The following ANKS1B variants were observed in gnomAD, a reference collection of about 807,000 sequenced individuals.
ANKS1B encodes ankyrin repeat and sterile alpha motif domain-containing protein 1B.
In ANKS1B, 36 loss-of-function variants were observed where a neutral mutation model predicts 148.3. That is an observed-to-expected ratio of 0.24 (90% CI 0.19 to 0.32). The LOEUF (loss-of-function observed/expected upper bound fraction) is 0.32. ANKS1B is among the 10% of genes least tolerant of loss of function. ANKS1B has a pLI of 1.00. For missense variants in ANKS1B, 1,157 were observed against 1,542.6 expected (o/e 0.75, Z 4.19); for synonymous variants, 542 against 560.8 (o/e 0.97, Z 0.47).
At chr12:99,679,614 T>G (rs974839056) in intron 8 of ANKS1B, among the ~76,000 whole-genome samples, 1 of 152,086 alleles carries the variant, frequency 6.6e-6, no homozygotes, top group Non-Finnish European at 1.5e-5. Context: ...CTGTCCGAAC[T>G]CTAACATTGA....
intron 8 of ANKS1B, among the ~76,000 whole-genome samples, chr12:99,763,491 G>A (rs1409034949): frequency 1.3e-5 from 2 of 151,992 alleles, no homozygotes; most frequent in South Asian, 4.1e-4. Context: ...TACAGACAAT[G>A]GGGCTTACTT....
chr12:99,010,375 A>G (rs2099938614), intron 17 of ANKS1B, among the ~76,000 whole-genome samples: 1 of 152,220 alleles, frequency 6.6e-6, no homozygotes, highest in Non-Finnish European at 1.5e-5. Context: ...GGCATAGAGT[A>G]AATGCTAGTT....
At chr12:99,768,435 A>G (rs937103396) in intron 8 of ANKS1B, among the ~76,000 whole-genome samples, 1 of 152,088 alleles carries the variant, frequency 6.6e-6, no homozygotes, top group African/African-American at 2.4e-5. Flanking sequence ...CCAAGTTTAT[A>G]TGTTGAAATC....
At chr12:99,134,960 A>G (rs1445445837) in intron 15 of ANKS1B, among the ~76,000 whole-genome samples, 1 of 152,172 alleles carries the variant, frequency 6.6e-6, no homozygotes, top group Non-Finnish European at 1.5e-5. Flanking sequence ...TCATTAGAGG[A>G]TAGCTTTTAG....
intron 8 of ANKS1B, among the ~76,000 whole-genome samples, chr12:99,704,232 C>T (rs80042713): frequency 0.019 from 2,951 of 152,098 alleles, 106 homozygotes; most frequent in African/African-American, 0.067. Flanking sequence ...TGTGGGCTAA[C>T]GTGGGAGGGA....
chr12:98,958,986 C>T (rs1219854490), intron 17 of ANKS1B, among the ~76,000 whole-genome samples: 3 of 152,064 alleles, frequency 2.0e-5, no homozygotes, highest in Non-Finnish European at 4.4e-5. Flanking sequence ...AGCTTAATGG[C>T]TCCTGTAGTT....
chr12:98,813,881 TTTTG>T (rs1050024050), intron 19 of ANKS1B, among the ~76,000 whole-genome samples: 1 of 137,048 alleles, frequency 7.3e-6, no homozygotes, highest in African/African-American at 2.8e-5. Flanking sequence ...TTTTTTTAGT[TTTTG>T]TTTGTTTGTT....
At chr12:99,392,921 A>T (rs2094123725) in intron 12 of ANKS1B, among the ~76,000 whole-genome samples, 1 of 152,118 alleles carries the variant, frequency 6.6e-6, no homozygotes, top group South Asian at 2.1e-4. Flanking sequence ...TTTCAAATTA[A>T]AATGTTCAAA....
chr12:99,620,533 A>G (rs2098034478), intron 9 of ANKS1B, among the ~76,000 whole-genome samples: 1 of 152,206 alleles, frequency 6.6e-6, no homozygotes, highest in African/African-American at 2.4e-5. Context: ...TTTAAAAGAA[A>G]TCAATCAGAG....
intron 17 of ANKS1B, chr12:98,893,772 C>T (rs1400141302): frequency 2.0e-5 from 3 of 152,216 alleles, no homozygotes; most frequent in Admixed American, 2.0e-4. Flanking sequence ...AGAAATGCAG[C>T]GAGGACTCGC....
At chr12:99,345,938 C>G (rs536973999) in intron 12 of ANKS1B, among the ~76,000 whole-genome samples, 3 of 152,050 alleles carry the variant, frequency 2.0e-5, no homozygotes, top group African/African-American at 4.8e-5. Flanking sequence ...TGCACCTGTC[C>G]TAATCATACC....
At chr12:99,177,945 A>G (rs1462930662) in intron 14 of ANKS1B, among the ~76,000 whole-genome samples, 1 of 152,190 alleles carries the variant, frequency 6.6e-6, no homozygotes, top group African/African-American at 2.4e-5. Context: ...TGTTTGTTTC[A>G]TAATCAGAAT....
intron 12 of ANKS1B, among the ~76,000 whole-genome samples, chr12:99,347,853 T>A (rs1187700058): frequency 6.6e-6 from 1 of 151,774 alleles, no homozygotes; most frequent in Non-Finnish European, 1.5e-5. Context: ...AAGAAATGAA[T>A]GTGAACTGTC....
chr12:98,780,943 GTA>G (rs2098728815), intron 24 of ANKS1B, among the ~76,000 whole-genome samples, 172 bp downstream of exon 24: 1 of 150,020 alleles, frequency 6.7e-6, no homozygotes, highest in African/African-American at 2.5e-5. Flanking sequence ...ATGAAGGTGT[GTA>G]TGTGTGTGTG....
At chr12:99,666,408 C>A (rs1385884582) in intron 8 of ANKS1B, among the ~76,000 whole-genome samples, 1 of 152,166 alleles carries the variant, frequency 6.6e-6, no homozygotes, top group Non-Finnish European at 1.5e-5. Flanking sequence ...CATTGTCCTT[C>A]ATTTCATGAA....
chr12:99,713,372 T>G (rs1367474807), intron 8 of ANKS1B, among the ~76,000 whole-genome samples: 1 of 152,214 alleles, frequency 6.6e-6, no homozygotes, highest in Non-Finnish European at 1.5e-5. Context: ...CTGAATAGAC[T>G]GAGAATTTCC....
chr12:99,035,877 G>A (rs902144167), intron 17 of ANKS1B, among the ~76,000 whole-genome samples: 3 of 152,130 alleles, frequency 2.0e-5, no homozygotes, highest in Non-Finnish European at 4.4e-5. Context: ...GCTGGGCTTC[G>A]GGAAGGGTGA....
chr12:98,840,786 G>A (rs747572304), intron 17 of ANKS1B, among the ~76,000 whole-genome samples: 6 of 152,132 alleles, frequency 3.9e-5, no homozygotes, highest in Admixed American at 1.3e-4. Context: ...CAATAAATCA[G>A]TTCCCAACTA....
intron 8 of ANKS1B, among the ~76,000 whole-genome samples, chr12:99,674,416 A>C (rs954776170): frequency 1.3e-5 from 2 of 151,836 alleles, no homozygotes; most frequent in African/African-American, 4.8e-5. Flanking sequence ...TGGCAATATG[A>C]ATTTAAAAAC....
Sources: allele counts gnomAD v4.1 joint callset (sites outside exome capture counted in the v4.1 genomes callset), GRCh38; gene constraint gnomAD v4.1.1; transcripts MANE v1.5; gene names NCBI Gene and HGNC (gene_info 2026-07-23, HGNC 2026-07-21).